The following KCNAB2 variants were observed in gnomAD, a reference collection of about 807,000 sequenced individuals.
KCNAB2 encodes voltage-gated potassium channel subunit beta-2.
In KCNAB2, 29 loss-of-function variants were observed where a neutral mutation model predicts 63.6. The ratio of observed to expected loss-of-function variants is 0.46; its 90% CI spans 0.34 to 0.62. The LOEUF is 0.62. Among genes scored for constraint, KCNAB2 ranks in the 20% least tolerant of loss-of-function variants. The probability of loss-of-function intolerance (pLI) is 0.01; values close to 1 mark genes in which losing one functional copy is unlikely to be tolerated. For missense variants in KCNAB2, 359 were observed against 563.9 expected, an observed-to-expected ratio of 0.64 and a Z score of 3.68; for synonymous variants, 222 against 224.2, an observed-to-expected ratio of 0.99 and a Z score of 0.09.
intron 1 of KCNAB2, among the ~76,000 whole-genome samples, chr1:6,049,076 C>T (rs1452715191): frequency 6.6e-6 from 1 of 152,236 alleles, no homozygotes; most frequent in Non-Finnish European, 1.5e-5. Flanking sequence ...GTGGTGAATG[C>T]AACTCCTGGC....
upstream of KCNAB2, among the ~76,000 whole-genome samples, chr1:6,045,092 A>G (rs1168251937): frequency 1.3e-5 from 2 of 152,112 alleles, no homozygotes; most frequent in Non-Finnish European, 2.9e-5. The surrounding 1 kb of genome is among the most constrained non-coding windows in gnomAD (Gnocchi z 4.8). Context: ...ACCCGCAGCC[A>G]GGCACCTCCA....
chr1:5,995,123 C>T (rs1156608626), intron 1 of KCNAB2, among the ~76,000 whole-genome samples: 1 of 152,130 alleles, frequency 6.6e-6, no homozygotes, highest in Non-Finnish European at 1.5e-5. Context: ...GTTTTCCTGG[C>T]GTCCCTGAAT....
chr1:6,003,273 T>G lies in KCNAB2; in HGVS notation c.-53+10485T>G, dbSNP rs1657365194. Among the ~76,000 whole-genome samples the G allele has an allele frequency of 6.6e-6, 1 of 152,148 alleles. No homozygotes were observed. The highest frequency in any genetic ancestry group is 1.5e-5 in the Non-Finnish European group (1 of 68,008). ...CGGGTGGCCGGAGCCTCCTGCGGGA[T>G]TCCCCATCCCACCCCTGGAACTTGC... On this transcript the variant is annotated intron_variant, in intron 1 of 16. Coordinates refer to the KCNAB2 transcript ENST00000341524. The surrounding 1 kb of genome is among the most constrained non-coding windows in gnomAD (Gnocchi z 4.1).
At position 6,028,045 on chromosome 1, in the gene KCNAB2, C is replaced by G. The variant is rs1659322943; in HGVS notation, c.-52-12472C>G. Among the ~76,000 whole-genome samples the G allele has an allele frequency of 6.6e-6, 1 of 152,220 alleles. No homozygotes were observed. Among genetic ancestry groups the G allele is most frequent in the Non-Finnish European group, 1.5e-5 (1 of 68,040 alleles). Reference sequence around the variant, plus strand: ...AACCCCTGCCCACCCTCTGGGGTGTCCTTCTGACAAATGGGCCTTTCTTCC... The same window carrying G: ...AACCCCTGCCCACCCTCTGGGGTGTGCTTCTGACAAATGGGCCTTTCTTCC... On this transcript the variant is annotated intron_variant, in intron 1 of 16. Coordinates refer to the KCNAB2 transcript ENST00000341524. This position sits in a 1 kb window ranked among gnomAD's most constrained non-coding sequence, Gnocchi z 4.0.
chr1:6,088,522 G>A (rs1449475177), intron 7 of KCNAB2, among the ~76,000 whole-genome samples: 2 of 151,576 alleles, frequency 1.3e-5, no homozygotes, highest in South Asian at 2.1e-4. Context: ...CACTAGGATT[G>A]CAGGCGTGAG....
At chr1:6,089,077 G>A in intron 8 of KCNAB2, 26 bp downstream of exon 8, 2 of 1,545,364 alleles carry the variant, frequency 1.3e-6, no homozygotes. Flanking sequence ...GGCACCTCAG[G>A]GCCCCCATAC....
chr1:6,041,904 C>T (rs757233108), upstream of KCNAB2: 27 of 1,607,920 alleles, frequency 1.7e-5, no homozygotes, highest in South Asian at 2.2e-5. Context: ...TAAAACCCAG[C>T]GAGCCGAAGG....
At chr1:6,051,424 G>A in intron 1 of KCNAB2, 87 bp from the exon 2 acceptor site, 1 of 1,393,024 alleles carries the variant, frequency 7.2e-7, no homozygotes, top group Non-Finnish European at 9.3e-7. Flanking sequence ...ATGTTTCGCT[G>A]CAGCTGCCCC....
rs1180103641 is a variant in KCNAB2, at chr1:6,071,398, GA to G, written c.219-1355del. Among the ~76,000 whole-genome samples, 3 of 152,216 alleles carry G rather than the reference GA, an allele frequency of 2.0e-5. No homozygotes were observed. The highest frequency in any genetic ancestry group is 2.9e-5 in the Non-Finnish European group (2 of 68,036). ...GCAGCTGGATTCCACAAGGGAAGTG[GA>G]ATCTGACCCCAGATGGGTCAAGGCC... is the stretch of plus-strand genomic sequence containing the variant. On this transcript the variant is annotated intron_variant, in intron 2 of 15. Coordinates refer to ENST00000378083, the MANE Select transcript of KCNAB2 (RefSeq NM_001199862.2). This position sits in a 1 kb window ranked among gnomAD's most constrained non-coding sequence, Gnocchi z 8.5.
At chr1:6,030,165 G>A (rs970812851), upstream of KCNAB2, among the ~76,000 whole-genome samples, 1 of 152,252 alleles carries the variant, frequency 6.6e-6, no homozygotes, top group East Asian at 1.9e-4. Flanking sequence ...TAAGCGCTAA[G>A]ATGAATTCTG....
At chr1:6,020,755 C>T (rs35152396) in intron 1 of KCNAB2, among the ~76,000 whole-genome samples, 2,320 of 152,294 alleles carry the variant, frequency 0.015, 23 homozygotes, top group Non-Finnish European at 0.023. Context: ...CAACCTCTGC[C>T]TCCTGGATTC....
At chr1:5,999,016 C>T (rs1195208705) in intron 1 of KCNAB2, among the ~76,000 whole-genome samples, 1 of 152,220 alleles carries the variant, frequency 6.6e-6, no homozygotes, top group Non-Finnish European at 1.5e-5. Context: ...TAGACGAAGC[C>T]GCTTTGCTGC....
chr1:6,031,880 C>T (rs546188810), upstream of KCNAB2, among the ~76,000 whole-genome samples: 8 of 151,940 alleles, frequency 5.3e-5, no homozygotes, highest in African/African-American at 1.5e-4. The surrounding 1 kb of genome is among the most constrained non-coding windows in gnomAD (Gnocchi z 4.1). Context: ...CAAAGCAAGA[C>T]CCTGTCTCAA....
chr1:6,097,474 C>T (rs926847591), intron 15 of KCNAB2, 117 bp downstream of exon 15: 21 of 1,517,140 alleles, frequency 1.4e-5, no homozygotes, highest in African/African-American at 6.9e-5. Flanking sequence ...AGGATGCGCC[C>T]GTGAACCATC....
rs1001530393 is a variant in KCNAB2, at chr1:6,003,935, A to G, written c.-53+11147A>G. Among the ~76,000 whole-genome samples, 2 of 152,200 alleles carry G rather than the reference A, an allele frequency of 1.3e-5. No homozygotes were observed. The highest frequency in any genetic ancestry group is 3.2e-3 in the Middle Eastern group (1 of 316). On this transcript the variant is annotated intron_variant, in intron 1 of 16. Transcript: ENST00000341524. This position sits in a 1 kb window ranked among gnomAD's most constrained non-coding sequence, Gnocchi z 4.1. ...AAGCTGCCTTTCAAATTGCTGCCGC[A>G]GCGCTGCCTGGCAAGATGTTAATCG...
intron 1 of KCNAB2, among the ~76,000 whole-genome samples, chr1:6,000,563 C>G (rs559700606): frequency 8.6e-5 from 13 of 152,008 alleles, no homozygotes; most frequent in African/African-American, 2.9e-4. Context: ...GGCAGGCGAG[C>G]CCGCTCCTGT....
Position 6,099,626 on chromosome 1 carries a change from G to A in KCNAB2, c.*1052G>A, listed in dbSNP as rs999600954. On this transcript the variant is annotated 3_prime_UTR_variant, in exon 16 of 16. Transcript: ENST00000378083. ...GGCCGCTGCTCTGCACCGAGCTGGT[G>A]GGCTTGGGTTTTGTGGAGCGCATGC... The A allele has an allele frequency of 4.3e-5, 37 of 867,932 alleles. No individual in the cohort carries two copies. In the African/African-American group the frequency reaches 4.6e-4, roughly 11 times the overall value. 53.8% of individuals were successfully genotyped at this position (867,932 alleles called of 1,614,324 possible).
intron 1 of KCNAB2, among the ~76,000 whole-genome samples, chr1:6,012,855 A>T (rs1658271390): frequency 6.6e-6 from 1 of 151,986 alleles, no homozygotes; most frequent in South Asian, 2.1e-4. Flanking sequence ...GTTTCTGTGC[A>T]GGTGCTCACC....
At chr1:6,058,820 G>C (rs1662066522) in intron 2 of KCNAB2, among the ~76,000 whole-genome samples, 1 of 152,232 alleles carries the variant, frequency 6.6e-6, no homozygotes, top group Admixed American at 6.5e-5. Context: ...GAGAAAGCCA[G>C]CTGGCAGGCC....
Sources: gnomAD v4.1 joint callset for allele counts (sites outside exome capture counted in the v4.1 genomes callset) on GRCh38, gnomAD v4.1.1 for gene constraint, Gnocchi (gnomAD v3.1) non-coding constraint, MANE v1.5 for transcripts, NCBI Gene and HGNC (gene_info 2026-07-23, HGNC 2026-07-21) for gene names.